RAPGEF1: variants seen among roughly 807,000 people sequenced by gnomAD.
RAPGEF1 encodes the protein Rap guanine nucleotide exchange factor 1, also known as CRK SH3-binding GNRP.
A neutral mutation model predicts 143.3 loss-of-function variants in RAPGEF1; 33 were observed. The observed-to-expected ratio is 0.23, with a 90% CI of 0.17 to 0.31. RAPGEF1 has a LOEUF of 0.31. Among genes scored for constraint, RAPGEF1 ranks in the 10% least tolerant of loss-of-function variants. RAPGEF1 has a pLI of 1.00. For synonymous variants in RAPGEF1, 629 were observed against 676.5 expected (o/e 0.93, Z 1.09); for missense variants, 1,199 against 1,645.4 (o/e 0.73, Z 4.69).
intron 22 of RAPGEF1, among the ~76,000 whole-genome samples, chr9:131,585,371 G>T (rs1285445099): frequency 1.3e-5 from 2 of 150,820 alleles, no homozygotes; most frequent in African/African-American, 4.9e-5. Flanking sequence ...TAGGGGGGGG[G>T]CGTCTCTCTA....
Position 131,628,744 on chromosome 9 carries a change from C to T in RAPGEF1, c.894-72G>A, listed in dbSNP as rs1964023710. On this transcript the variant is annotated intron_variant, in intron 7 of 26. Coordinates refer to ENST00000683357, the MANE Select transcript of RAPGEF1 (RefSeq NM_001377935.1). The surrounding 1 kb of genome is among the most constrained non-coding windows in gnomAD (Gnocchi z 5.7). ...AGCTCTTCAGCGTGATATTGGGGTA[C>T]AGGATGTGGGGTTCTTTCATTACTA... is the stretch of plus-strand genomic sequence containing the variant. The T allele has an allele frequency of 6.6e-6, 10 of 1,516,706 alleles. No homozygotes were observed. The East Asian group carries it at 1.8e-4, about 28-fold the overall frequency. The allele number at this position is 1,516,706 out of a possible 1,614,324, so 94.0% of individuals were successfully genotyped here.
chr9:131,632,343 G>A (rs1488412266), intron 5 of RAPGEF1, among the ~76,000 whole-genome samples: 1 of 146,624 alleles, frequency 6.8e-6, no homozygotes, highest in Non-Finnish European at 1.5e-5. Context: ...GTTTCACCGT[G>A]GTCTCGATCT....
At chr9:131,620,587 C>T (rs1564543646) in intron 11 of RAPGEF1, among the ~76,000 whole-genome samples, 3 of 152,130 alleles carry the variant, frequency 2.0e-5, no homozygotes, top group African/African-American at 4.8e-5. Flanking sequence ...ACGTGCGACA[C>T]GGCTAACAAG....
At chr9:131,737,329 C>G (rs1837483900) in intron 1 of RAPGEF1, 2 of 1,609,956 alleles carry the variant, frequency 1.2e-6, no homozygotes, top group Non-Finnish European at 1.7e-6. Context: ...TCTCAGCCCT[C>G]TCTTCAGAGC....
intron 4 of RAPGEF1, among the ~76,000 whole-genome samples, chr9:131,642,067 C>T (rs1968166725): frequency 6.6e-6 from 1 of 152,172 alleles, no homozygotes; most frequent in African/African-American, 2.4e-5. Context: ...GGAAGAAAAA[C>T]AAAACATGTG....
intron 6 of RAPGEF1, among the ~76,000 whole-genome samples, chr9:131,629,493 T>A (rs970566278): frequency 6.6e-6 from 1 of 152,122 alleles, no homozygotes; most frequent in African/African-American, 2.4e-5. Flanking sequence ...ATCTAAGGGT[T>A]CTCTAAAATG....
chr9:131,629,605 A>C (rs1005138412), intron 6 of RAPGEF1, among the ~76,000 whole-genome samples: 1 of 152,142 alleles, frequency 6.6e-6, no homozygotes, highest in African/African-American at 2.4e-5. Context: ...AGCTTGGCCA[A>C]GATGGTGAAA....
In RAPGEF1 at chr9:131,577,792, C is replaced by A. The variant is rs1002214166; in HGVS notation, c.*1705G>T. 6.6e-6 allele frequency: 1 copy of A among 152,260 alleles called. No individual in the cohort carries two copies. The highest frequency in any genetic ancestry group is 1.5e-5 in the Non-Finnish European group (1 of 68,058). The allele number at this position is 152,260 out of a possible 1,614,324, so 9.4% of individuals were successfully genotyped here. A position where few individuals can be genotyped will look rare whatever the true frequency, so the allele number is the denominator to read the frequency against. The stretch of plus-strand genomic sequence containing the variant: ...ACAGGTCCCGGCTGGCCCCGCAAGA[C>A]CACCGCAAGAGGGGGTCCCGCCACC... On this transcript the variant is annotated 3_prime_UTR_variant, in exon 27 of 27. Transcript: ENST00000683357.
At chr9:131,678,827 C>T (rs1439196510) in intron 1 of RAPGEF1, among the ~76,000 whole-genome samples, 1 of 152,200 alleles carries the variant, frequency 6.6e-6, no homozygotes, top group Non-Finnish European at 1.5e-5. Flanking sequence ...GCACAGGCAG[C>T]CCTCTTCCTC....
At chr9:131,614,897 C>T (rs555286129) in intron 12 of RAPGEF1, among the ~76,000 whole-genome samples, 175 of 151,398 alleles carry the variant, frequency 1.2e-3, no homozygotes, top group African/African-American at 4.0e-3. Flanking sequence ...CTTCTACTCA[C>T]AACTTGGGTC....
At position 131,584,789 on chromosome 9, in the gene RAPGEF1, G is replaced by A. The variant is rs1210411184; in HGVS notation, c.3234-193C>T. 6.6e-6 allele frequency among the ~76,000 whole-genome samples: 1 copy of A among 152,214 alleles called. No individual in the cohort carries two copies. Among genetic ancestry groups the A allele is most frequent in the Non-Finnish European group, 1.5e-5 (1 of 68,036 alleles). ...GGAGCTCATAACATCCTGGGACAGA[G>A]GCACAAGGAAATCTGGTGACAATAA... On this transcript the variant is annotated intron_variant, in intron 22 of 26. Coordinates refer to ENST00000683357, the MANE Select transcript of RAPGEF1 (RefSeq NM_001377935.1). The surrounding 1 kb of genome is among the most constrained non-coding windows in gnomAD (Gnocchi z 6.8).
intron 9 of RAPGEF1, 69 bp from the exon 10 acceptor site, chr9:131,626,491 G>C: frequency 1.4e-6 from 2 of 1,472,692 alleles, no homozygotes; most frequent in Non-Finnish European, 1.8e-6. Flanking sequence ...AGCTCCCCCC[G>C]CCCGCCTCTC....
intron 5 of RAPGEF1, among the ~76,000 whole-genome samples, chr9:131,634,905 C>G (rs1363910120): frequency 6.6e-6 from 1 of 151,840 alleles, no homozygotes; most frequent in Non-Finnish European, 1.5e-5. Flanking sequence ...GTGGCTCGGC[C>G]CCCCAGCATC....
chr9:131,604,195 GTGCTAGAGGGGATCCAAGTCTCC>G (rs1765934773), intron 13 of RAPGEF1, 142 bp from the exon 14 acceptor site: 1 of 394,736 alleles, frequency 2.5e-6, no homozygotes, highest in African/African-American at 2.1e-5. Context: ...TCTTGCCTCT[GTGCTAGAGGGGATCCAAGTCTCC>G]TGCTGCTGCC....
At chr9:131,736,188 C>G (rs1197082469) in intron 1 of RAPGEF1, among the ~76,000 whole-genome samples, 1 of 152,164 alleles carries the variant, frequency 6.6e-6, no homozygotes, top group African/African-American at 2.4e-5. Flanking sequence ...AGAGCCTCTT[C>G]TCCTCTGCAG....
intron 12 of RAPGEF1, among the ~76,000 whole-genome samples, chr9:131,609,360 C>T (rs957878128): frequency 3.3e-5 from 5 of 152,122 alleles, no homozygotes; most frequent in East Asian, 1.9e-4. Context: ...CAAGAGGTGG[C>T]GTGGGTATGG....
intron 1 of RAPGEF1, among the ~76,000 whole-genome samples, chr9:131,726,775 G>C (rs1362177081): frequency 6.6e-6 from 1 of 152,172 alleles, no homozygotes; most frequent in African/African-American, 2.4e-5. Context: ...ATCTACACGT[G>C]TTAAAACGCA....
intron 14 of RAPGEF1, among the ~76,000 whole-genome samples, chr9:131,603,672 G>A (rs577514499): frequency 2.6e-5 from 4 of 152,340 alleles, no homozygotes; most frequent in East Asian, 1.9e-4. Flanking sequence ...ATACACAGCC[G>A]GGGCCCGTGC....
At chr9:131,639,509 C>T (rs1383940498) in intron 4 of RAPGEF1, among the ~76,000 whole-genome samples, 1 of 151,770 alleles carries the variant, frequency 6.6e-6, no homozygotes, top group African/African-American at 2.4e-5. Flanking sequence ...GATGCCAGCG[C>T]CCACAGACAG....
Sources: gnomAD v4.1 joint callset for allele counts (sites outside exome capture counted in the v4.1 genomes callset) on GRCh38, gnomAD v4.1.1 for gene constraint, Gnocchi (gnomAD v3.1) non-coding constraint, MANE v1.5 for transcripts, NCBI Gene and HGNC (gene_info 2026-07-23, HGNC 2026-07-21) for gene names.